Variants in MYO1H observed in about 807,000 individuals in gnomAD.
MYO1H encodes myosin IH, also known as unconventional myosin-Ih.
MYO1H carries 118 observed loss-of-function variants against 149.3 expected under a neutral mutation model. The ratio of observed to expected loss-of-function variants is 0.79; its 90% CI spans 0.68 to 0.92. The LOEUF (loss-of-function observed/expected upper bound fraction) is 0.92, where lower values mean the gene tolerates loss of function less well. Among genes scored for constraint, MYO1H ranks in the 40% least tolerant of loss-of-function variants. The pLI, the probability that MYO1H is intolerant of heterozygous loss-of-function variation, is 0.00. For synonymous variants in MYO1H, 447 were observed against 465.2 expected (o/e 0.96, Z 0.50); for missense variants, 1,212 against 1,280.7 (o/e 0.95, Z 0.82).
chr12:109,422,883 G>A (rs1689161725), intron 16 of MYO1H, among the ~76,000 whole-genome samples: 1 of 152,050 alleles, frequency 6.6e-6, no homozygotes, highest in African/African-American at 2.4e-5. Flanking sequence ...AACCCAGCCT[G>A]GACAACATGG....
intron 20 of MYO1H, among the ~76,000 whole-genome samples, chr12:109,433,685 G>A (rs914284394): frequency 1.1e-4 from 17 of 152,194 alleles, no homozygotes; most frequent in African/African-American, 3.6e-4. Context: ...GTACATGGTC[G>A]TCTGGGCCGC....
chr12:109,318,967 G>GTTTTTTTTTTTTTTTTTTTTTT, the MYO1H span, among the ~76,000 whole-genome samples: 24 of 79,618 alleles, frequency 3.0e-4, 5 homozygotes, highest in African/African-American at 7.7e-4. Flanking sequence ...TGCGTTTTTG[G>GTTTTTTTTTTTTTTTTTTTTTT]TTTTGTTTTT....
intron 1 of MYO1H, among the ~76,000 whole-genome samples, chr12:109,383,137 A>G (rs1261063693): frequency 6.6e-6 from 1 of 152,124 alleles, no homozygotes. Context: ...CCCTACTTCA[A>G]TCAGAAAGGT....
chr12:109,351,314 C>T (rs1340973248), intron 1 of MYO1H, among the ~76,000 whole-genome samples: 1 of 152,152 alleles, frequency 6.6e-6, no homozygotes, highest in African/African-American at 2.4e-5. Context: ...AAAATATGAA[C>T]ACTTTCCTCC....
chr12:109,352,419 C>T (rs1276377990), intron 1 of MYO1H, among the ~76,000 whole-genome samples: 1 of 152,124 alleles, frequency 6.6e-6, no homozygotes, highest in Non-Finnish European at 1.5e-5. Flanking sequence ...TCTCCATGGT[C>T]ATAGAAACAT....
chr12:109,438,536 C>A (rs761414697), exon 23 of MYO1H: 35 of 1,611,934 alleles, frequency 2.2e-5, no homozygotes, highest in Non-Finnish European at 6.8e-6. Context: ...ACTCTTTCAG[C>A]CATCAAACTG....
chr12:109,325,877 T>C, the MYO1H span, among the ~76,000 whole-genome samples: 1 of 152,172 alleles, frequency 6.6e-6, no homozygotes, highest in Non-Finnish European at 1.5e-5. Context: ...AGATACCATC[T>C]CACGCCAGTC....
exon 32 of MYO1H, chr12:109,447,356 C>T (rs1366461760): frequency 1.5e-6 from 1 of 658,402 alleles, no homozygotes; most frequent in African/African-American, 1.8e-5. Context: ...ATCCCAGCTC[C>T]TCAGCTGCCC....
chr12:109,418,556 T>C (rs1030415520), intron 15 of MYO1H, among the ~76,000 whole-genome samples: 9 of 151,910 alleles, frequency 5.9e-5, no homozygotes, highest in Non-Finnish European at 1.2e-4. Flanking sequence ...TGTTTTGTTT[T>C]GTTTTGTTTT....
intron 1 of MYO1H, among the ~76,000 whole-genome samples, chr12:109,349,140 G>A (rs1868401799): frequency 1.3e-5 from 2 of 152,218 alleles, no homozygotes; most frequent in South Asian, 2.1e-4. Context: ...AGGAGTATTT[G>A]CTGTAGGTCT....
At chr12:109,360,876 C>CAAAAA (rs1216476194) in intron 1 of MYO1H, among the ~76,000 whole-genome samples, 2 of 152,176 alleles carry the variant, frequency 1.3e-5, no homozygotes, top group African/African-American at 2.4e-5. Context: ...AAACAATAAT[C>CAAAAA]TACACTTTTT....
chr12:109,437,916 C>T (rs923936845), intron 22 of MYO1H, among the ~76,000 whole-genome samples: 3 of 150,754 alleles, frequency 2.0e-5, no homozygotes, highest in East Asian at 1.9e-4. Context: ...GGCGAAACCC[C>T]GTCTCTACTA....
At chr12:109,373,724 T>C (rs1181054506) in intron 1 of MYO1H, among the ~76,000 whole-genome samples, 3 of 152,180 alleles carry the variant, frequency 2.0e-5, no homozygotes, top group African/African-American at 7.2e-5. Context: ...CAGAAGAGTA[T>C]ATATAAATAT....
chr12:109,447,164 A>G (rs1269885882), exon 32 of MYO1H: 3 of 1,599,158 alleles, frequency 1.9e-6, no homozygotes, highest in Non-Finnish European at 1.7e-6. Context: ...CCCAGGTGTC[A>G]GTCCGGAGGA....
At chr12:109,441,783 A>C in intron 26 of MYO1H, 75 bp downstream of exon 26, 769 of 1,033,574 alleles carry the variant, frequency 7.4e-4, no homozygotes, top group Non-Finnish European at 9.8e-4. Context: ...GCGGTGGCTC[A>C]TGCCCATAAT....
chr12:109,354,815 A>G (rs1868551121), intron 1 of MYO1H, among the ~76,000 whole-genome samples: 1 of 152,188 alleles, frequency 6.6e-6, no homozygotes, highest in East Asian at 1.9e-4. Flanking sequence ...TGTTTCTTCA[A>G]CAAGAGGAAT....
intron 6 of MYO1H, among the ~76,000 whole-genome samples, chr12:109,402,241 T>G (rs1411114770): frequency 6.6e-6 from 1 of 152,198 alleles, no homozygotes; most frequent in Non-Finnish European, 1.5e-5. Flanking sequence ...ATGCCCAGAT[T>G]GTAAGGCACG....
At chr12:109,416,870 G>A (rs935534366) in intron 15 of MYO1H, among the ~76,000 whole-genome samples, 5 of 152,166 alleles carry the variant, frequency 3.3e-5, no homozygotes, top group African/African-American at 9.7e-5. Context: ...AGCCGGGCGT[G>A]GTGGCACATG....
At chr12:109,412,980 G>GTTGTTGTTA (rs1555253016) in intron 14 of MYO1H, among the ~76,000 whole-genome samples, 62 of 144,592 alleles carry the variant, frequency 4.3e-4, no homozygotes, top group African/African-American at 1.7e-3. Context: ...TGTTGTTGTT[G>GTTGTTGTTA]TTATTATTAT....
Sources: allele counts gnomAD v4.1 joint callset (sites outside exome capture counted in the v4.1 genomes callset), GRCh38; gene constraint gnomAD v4.1.1; transcripts MANE v1.5; gene names NCBI Gene and HGNC (gene_info 2026-07-23, HGNC 2026-07-21).